Variants in ANKS1B observed in about 807,000 individuals in gnomAD.
ANKS1B encodes the protein ankyrin repeat and sterile alpha motif domain-containing protein 1B.
In ANKS1B, 36 loss-of-function variants were observed where a neutral mutation model predicts 148.3. The observed-to-expected ratio is 0.24, with a 90% CI of 0.19 to 0.32. The LOEUF is 0.32. Ranked by LOEUF, ANKS1B falls within the 10% of genes least tolerant of loss-of-function variation. The probability of loss-of-function intolerance (pLI) is 1.00; values close to 1 mark genes in which losing one functional copy is unlikely to be tolerated. For synonymous variants in ANKS1B, 542 were observed against 560.8 expected (o/e 0.97, Z 0.47); for missense variants, 1,157 against 1,542.6 (o/e 0.75, Z 4.19).
intron 15 of ANKS1B, among the ~76,000 whole-genome samples, chr12:99,122,859 C>A (rs908312285): frequency 2.6e-5 from 4 of 151,918 alleles, no homozygotes; most frequent in African/African-American, 9.7e-5. Flanking sequence ...TATGCATTAG[C>A]AAGAAAATTC....
chr12:98,859,095 G>C (rs2099586124), intron 17 of ANKS1B, among the ~76,000 whole-genome samples: 1 of 152,152 alleles, frequency 6.6e-6, no homozygotes, highest in Non-Finnish European at 1.5e-5. Flanking sequence ...AGACATTCTT[G>C]CCCTTGTGAA....
At chr12:99,389,491 T>G (rs925840645) in intron 12 of ANKS1B, among the ~76,000 whole-genome samples, 1 of 152,194 alleles carries the variant, frequency 6.6e-6, no homozygotes, top group African/African-American at 2.4e-5. Context: ...TTGTTTTAAT[T>G]TTTCAATTAC....
At chr12:99,613,450 C>A (rs1016632411) in intron 9 of ANKS1B, among the ~76,000 whole-genome samples, 23 of 152,040 alleles carry the variant, frequency 1.5e-4, no homozygotes, top group Middle Eastern at 3.4e-3. Context: ...TGGAATCAAC[C>A]CAAATGCCCA....
intron 10 of ANKS1B, among the ~76,000 whole-genome samples, chr12:99,475,302 A>G (rs1595543818): frequency 6.6e-6 from 1 of 151,552 alleles, no homozygotes; most frequent in Non-Finnish European, 1.5e-5. Context: ...AAAATATATT[A>G]AAATTAAAAT....
At chr12:99,904,575 C>T (rs11110107) in intron 1 of ANKS1B, among the ~76,000 whole-genome samples, 4 of 152,166 alleles carry the variant, frequency 2.6e-5, no homozygotes, top group Non-Finnish European at 5.9e-5. Context: ...GGACTATCAC[C>T]TATTTCCCTA....
At chr12:99,318,489 T>A (rs571432912) in intron 12 of ANKS1B, among the ~76,000 whole-genome samples, 54 of 152,326 alleles carry the variant, frequency 3.5e-4, no homozygotes, top group Non-Finnish European at 6.3e-4. Flanking sequence ...GTAGTTTGTA[T>A]GTATTTCTGT....
chr12:99,240,608 C>T (rs767942512), intron 14 of ANKS1B, among the ~76,000 whole-genome samples: 49 of 151,512 alleles, frequency 3.2e-4, no homozygotes, highest in Admixed American at 6.6e-5. Context: ...TTCTCAGCAC[C>T]ACATCCCACT....
At chr12:99,449,537 A>G (rs1379590055) in intron 10 of ANKS1B, among the ~76,000 whole-genome samples, 4 of 152,164 alleles carry the variant, frequency 2.6e-5, no homozygotes, top group African/African-American at 9.7e-5. Flanking sequence ...ATTAACTACC[A>G]TCTTCTATCA....
At chr12:99,652,473 A>G (rs1341535564) in intron 9 of ANKS1B, among the ~76,000 whole-genome samples, 1 of 150,990 alleles carries the variant, frequency 6.6e-6, no homozygotes, top group Non-Finnish European at 1.5e-5. Context: ...ACTCCATCTG[A>G]AAAAAAAAGA....
intron 16 of ANKS1B, among the ~76,000 whole-genome samples, chr12:99,074,925 A>G (rs1406620873): frequency 6.6e-6 from 1 of 152,142 alleles, no homozygotes; most frequent in African/African-American, 2.4e-5. Context: ...TGAGTAAGAG[A>G]CAAATTAGTC....
At chr12:98,931,220 A>G (rs551551150) in intron 17 of ANKS1B, among the ~76,000 whole-genome samples, 34 of 152,308 alleles carry the variant, frequency 2.2e-4, no homozygotes, top group African/African-American at 7.9e-4. Flanking sequence ...CTTTAAATAC[A>G]GAGCCCAATC....
chr12:99,703,188 T>C (rs940343649), intron 8 of ANKS1B, among the ~76,000 whole-genome samples: 5 of 152,150 alleles, frequency 3.3e-5, no homozygotes, highest in African/African-American at 9.7e-5. Flanking sequence ...ATAATTCTGA[T>C]TGGCCTGACT....
chr12:99,619,760 C>T (rs929597184), intron 9 of ANKS1B, among the ~76,000 whole-genome samples: 1 of 152,176 alleles, frequency 6.6e-6, no homozygotes, highest in African/African-American at 2.4e-5. Context: ...CTGCAGAGAA[C>T]TTGGGGCTGA....
intron 12 of ANKS1B, among the ~76,000 whole-genome samples, chr12:99,280,156 CTGTG>C (rs113352121): frequency 2.0e-5 from 3 of 150,120 alleles, no homozygotes; most frequent in Non-Finnish European, 4.5e-5. Context: ...CCAATAGAGT[CTGTG>C]TGTGTGTGTG....
intron 25 of ANKS1B, among the ~76,000 whole-genome samples, chr12:98,761,369 C>T (rs10860364): frequency 0.2 from 30,660 of 152,126 alleles, 3,177 homozygotes; most frequent in South Asian, 0.29. Flanking sequence ...TATTAAAATA[C>T]TATTTTCGGA....
chr12:99,618,439 T>C (rs1274156859), intron 9 of ANKS1B, among the ~76,000 whole-genome samples: 1 of 152,032 alleles, frequency 6.6e-6, no homozygotes, highest in Non-Finnish European at 1.5e-5. Context: ...AAATAGTGCA[T>C]AAAAATCAAC....
chr12:99,111,872 G>A (rs1016812006), intron 15 of ANKS1B, among the ~76,000 whole-genome samples: 2 of 151,926 alleles, frequency 1.3e-5, no homozygotes, highest in African/African-American at 2.4e-5. Flanking sequence ...AGATCATCAC[G>A]CTTGAGGATA....
intron 12 of ANKS1B, among the ~76,000 whole-genome samples, chr12:99,261,505 C>T (rs1313047707): frequency 6.6e-6 from 1 of 152,140 alleles, no homozygotes; most frequent in Non-Finnish European, 1.5e-5. Context: ...GAAACAACTG[C>T]AACACCCAAG....
At chr12:99,741,109 G>A (rs1315962587) in intron 8 of ANKS1B, among the ~76,000 whole-genome samples, 5 of 151,862 alleles carry the variant, frequency 3.3e-5, no homozygotes, top group Admixed American at 1.3e-4. Flanking sequence ...TCGGGAGGCT[G>A]AGGCAGGAGA....
Sources: gnomAD v4.1 joint callset for allele counts (sites outside exome capture counted in the v4.1 genomes callset) on GRCh38, gnomAD v4.1.1 for gene constraint, MANE v1.5 for transcripts, NCBI Gene and HGNC (gene_info 2026-07-23, HGNC 2026-07-21) for gene names.